KCNN2: variants seen among roughly 807,000 people sequenced by gnomAD.
KCNN2 encodes the protein small conductance calcium-activated potassium channel protein 2.
A neutral mutation model predicts 55.5 loss-of-function variants in KCNN2; 24 were observed. The observed-to-expected ratio is 0.43, with a 90% confidence interval of 0.31 to 0.61. The LOEUF (loss-of-function observed/expected upper bound fraction) is 0.61. Among genes scored for constraint, KCNN2 ranks in the 20% least tolerant of loss-of-function variants. The probability of loss-of-function intolerance (pLI) is 0.08; values close to 1 mark genes in which losing one functional copy is unlikely to be tolerated. For synonymous variants in KCNN2, 431 were observed against 336.1 expected, an observed-to-expected ratio of 1.28 and a Z score of -3.09; for missense variants, 754 against 853.6, an observed-to-expected ratio of 0.88 and a Z score of 1.45.
chr5:114,136,287 C>A (rs1006695517), intron 1 of KCNN2, among the ~76,000 whole-genome samples: 6 of 152,198 alleles, frequency 3.9e-5, no homozygotes, highest in Admixed American at 3.9e-4. Flanking sequence ...GTGGTTAGAA[C>A]TGTGAGTTCA....
intron 4 of KCNN2, among the ~76,000 whole-genome samples, chr5:114,470,877 G>T (rs1761699737): frequency 6.6e-6 from 1 of 152,038 alleles, no homozygotes; most frequent in Non-Finnish European, 1.5e-5. Flanking sequence ...CAGACACCTG[G>T]GTTTTATCCC....
chr5:114,211,878 G>C (rs1413633826), intron 1 of KCNN2, among the ~76,000 whole-genome samples: 3 of 151,640 alleles, frequency 2.0e-5, no homozygotes, highest in African/African-American at 7.3e-5. Context: ...AACTCCATTT[G>C]TGGTTGGTTT....
chr5:114,254,097 A>C (rs987886788), intron 2 of KCNN2, among the ~76,000 whole-genome samples: 3 of 152,186 alleles, frequency 2.0e-5, no homozygotes, highest in African/African-American at 7.2e-5. Flanking sequence ...TTCACTGACA[A>C]AAAACATTTT....
intron 3 of KCNN2, among the ~76,000 whole-genome samples, chr5:114,408,741 G>T (rs1433124922): frequency 6.6e-6 from 1 of 152,026 alleles, no homozygotes; most frequent in Non-Finnish European, 1.5e-5. Context: ...AATTAAGAGA[G>T]CCTCAAAATT....
intron 2 of KCNN2, among the ~76,000 whole-genome samples, chr5:114,298,003 C>G (rs1018092523): frequency 2.0e-5 from 3 of 152,106 alleles, no homozygotes; most frequent in African/African-American, 4.8e-5. Flanking sequence ...AAATGATGGA[C>G]TGTAAAATGA....
intron 2 of KCNN2, among the ~76,000 whole-genome samples, chr5:114,243,851 G>C (rs1232828101): frequency 6.6e-6 from 1 of 152,094 alleles, no homozygotes; most frequent in Non-Finnish European, 1.5e-5. Flanking sequence ...TTTCACTTTG[G>C]GTAAGAATAA....
intron 2 of KCNN2, among the ~76,000 whole-genome samples, chr5:114,369,372 T>C (rs1265216174): frequency 6.6e-6 from 1 of 152,198 alleles, no homozygotes. Flanking sequence ...GAAGCAAATG[T>C]TTCCCAAGTT....
Position 114,482,082 on chromosome 5 carries a change from A to C in KCNN2, c.1891-4968A>C, listed in dbSNP as rs116753753. On this transcript the variant is annotated intron_variant, in intron 5 of 7. Coordinates refer to ENST00000673685, the MANE Select transcript of KCNN2 (RefSeq NM_021614.4). ...TGCACAGCAAAAGAAACTATTGACA[A>C]AGTGAACAGACAACCTACAGAATGA... 1.9e-3 allele frequency among the ~76,000 whole-genome samples: 285 copies of C among 152,246 alleles called. 1 individual carries two copies. The highest frequency in any genetic ancestry group is 6.5e-3 in the African/African-American group (271 of 41,554).
chr5:114,485,614 A>G (rs1762406052), intron 5 of KCNN2, among the ~76,000 whole-genome samples: 1 of 152,180 alleles, frequency 6.6e-6, no homozygotes. Flanking sequence ...TGGTAGTGTT[A>G]CTTATACGCA....
intron 3 of KCNN2, among the ~76,000 whole-genome samples, chr5:114,457,614 C>A (rs765349032): frequency 2.0e-5 from 3 of 152,136 alleles, no homozygotes; most frequent in Non-Finnish European, 4.4e-5. Context: ...TGTATCACTT[C>A]ACATAGATGA....
At chr5:114,463,505 C>G (rs1403830048) in intron 4 of KCNN2, among the ~76,000 whole-genome samples, 1 of 152,198 alleles carries the variant, frequency 6.6e-6, no homozygotes, top group Non-Finnish European at 1.5e-5. Flanking sequence ...CTCCCATCTC[C>G]TACTAGCTGT....
chr5:114,172,789 A>AT (rs961942805), intron 1 of KCNN2, among the ~76,000 whole-genome samples: 1 of 151,082 alleles, frequency 6.6e-6, no homozygotes, highest in Non-Finnish European at 1.5e-5. Flanking sequence ...CAAATATTAG[A>AT]TTTTTTTCTG....
chr5:114,475,541 A>C (rs1459094497), intron 5 of KCNN2, among the ~76,000 whole-genome samples: 1 of 152,202 alleles, frequency 6.6e-6, no homozygotes, highest in Non-Finnish European at 1.5e-5. Context: ...ATAACATATA[A>C]AAAATATACT....
chr5:114,201,975 A>C (rs931966537), intron 1 of KCNN2, among the ~76,000 whole-genome samples: 1 of 152,138 alleles, frequency 6.6e-6, no homozygotes, highest in East Asian at 1.9e-4. Flanking sequence ...GGCAAGCAGC[A>C]TGGGCAAGAA....
intron 2 of KCNN2, among the ~76,000 whole-genome samples, chr5:114,288,442 G>A (rs2150016265): frequency 6.6e-6 from 1 of 150,890 alleles, no homozygotes; most frequent in South Asian, 2.1e-4. Context: ...ATTCCCATCA[G>A]TAACATATGA....
intron 1 of KCNN2, among the ~76,000 whole-genome samples, chr5:114,194,503 A>C (rs12655646): frequency 0.36 from 54,321 of 151,854 alleles, 10,311 homozygotes; most frequent in East Asian, 0.73. Flanking sequence ...TCTTTTTTGG[A>C]GAAATGTCTA....
chr5:114,324,235 T>C (rs1049716497), intron 2 of KCNN2, among the ~76,000 whole-genome samples: 5 of 152,180 alleles, frequency 3.3e-5, no homozygotes, highest in African/African-American at 9.7e-5. Flanking sequence ...AATAATGGGC[T>C]CCCCCTTGTC....
At chr5:114,130,888 G>T (rs764692875) in intron 1 of KCNN2, among the ~76,000 whole-genome samples, 1 of 152,028 alleles carries the variant, frequency 6.6e-6, no homozygotes. Flanking sequence ...AAAAAAGCTC[G>T]GTGCTTTCAT....
At chr5:114,119,890 C>T (rs551738847) in intron 1 of KCNN2, among the ~76,000 whole-genome samples, 6 of 152,080 alleles carry the variant, frequency 3.9e-5, no homozygotes, top group Non-Finnish European at 5.9e-5. Flanking sequence ...TGGTGTCTCG[C>T]ATAGGTTTTG....
Sources: gnomAD v4.1 joint callset for allele counts (sites outside exome capture counted in the v4.1 genomes callset) on GRCh38, gnomAD v4.1.1 for gene constraint, MANE v1.5 for transcripts, NCBI Gene and HGNC (gene_info 2026-07-23, HGNC 2026-07-21) for gene names.